The following CPED1 variants were observed in gnomAD, a reference collection of about 807,000 sequenced individuals.
CPED1 encodes cadherin like and PC-esterase domain containing 1.
In CPED1, 114 loss-of-function variants were observed where a neutral mutation model predicts 128.2. That is an observed-to-expected ratio of 0.89 (90% CI 0.76 to 1.04). CPED1 has a LOEUF of 1.04. Ranked by LOEUF, CPED1 falls within the 50% of genes least tolerant of loss-of-function variation. CPED1 has a pLI of 0.00. For synonymous variants in CPED1, 462 were observed against 426.7 expected, an observed-to-expected ratio of 1.08 and a Z score of -1.02; for missense variants, 1,211 against 1,207.1, an observed-to-expected ratio of 1.00 and a Z score of -0.05.
Position 121,219,609 on chromosome 7 carries a change from T to G in CPED1, c.2056-17105T>G, listed in dbSNP as rs962068725. On this transcript the variant is annotated intron_variant, in intron 16 of 22. Coordinates refer to ENST00000310396, the MANE Select transcript of CPED1 (RefSeq NM_024913.5). ...AGACTAACTTAAAATTCTTTCACAGTATAATGAATAGCCACTTTTCAGCTG... is the reference window on the plus strand; with the variant it reads ...AGACTAACTTAAAATTCTTTCACAGGATAATGAATAGCCACTTTTCAGCTG... Among the ~76,000 whole-genome samples, 8 of 152,028 alleles carry G rather than the reference T, an allele frequency of 5.3e-5. No individual in the cohort carries two copies. In the East Asian group the frequency reaches 1.6e-3, roughly 29 times the overall value.
chr7:121,062,504 T>C (rs898281225), intron 4 of CPED1, among the ~76,000 whole-genome samples: 1 of 152,254 alleles, frequency 6.6e-6, no homozygotes, highest in African/African-American at 2.4e-5. Flanking sequence ...TTTTAAATTC[T>C]GGATTGAAGA....
At position 121,244,343 on chromosome 7, in the gene CPED1, G is replaced by T. The variant is rs370002857; in HGVS notation, c.2310+5G>T. 5 of 1,614,032 alleles carry T rather than the reference G, an allele frequency of 3.1e-6. No homozygotes were observed. The African/African-American group carries it at 4.0e-5, about 13-fold the overall frequency. Reference sequence around the variant, plus strand: ...CAGTGCCTGGGAGGAAGGAAGGTAGGTTCTGGATCTAGTGGGGGAAGCCTT... The same window carrying T: ...CAGTGCCTGGGAGGAAGGAAGGTAGTTTCTGGATCTAGTGGGGGAAGCCTT... On this transcript the variant is annotated splice_donor_5th_base_variant and intron_variant, in intron 18 of 22. Transcript: ENST00000310396.
At chr7:121,274,122 C>T (rs1020249852) in intron 22 of CPED1, among the ~76,000 whole-genome samples, 2 of 152,042 alleles carry the variant, frequency 1.3e-5, no homozygotes, top group African/African-American at 4.8e-5. Context: ...CTCTGAAAGT[C>T]TAAAAAGCAA....
intron 13 of CPED1, 120 bp from the exon 14 acceptor site, chr7:121,135,920 C>T (rs1487300467): frequency 1.5e-6 from 1 of 668,002 alleles, no homozygotes; most frequent in Non-Finnish European, 2.3e-6. Context: ...GAAGTGTTCA[C>T]TAGTATAATA....
At chr7:121,182,210 T>TC (rs1563057115) in intron 16 of CPED1, among the ~76,000 whole-genome samples, 1 of 151,638 alleles carries the variant, frequency 6.6e-6, no homozygotes, top group Admixed American at 6.6e-5. Context: ...CTTTTTTTTT[T>TC]TTTTTTAGTT....
At chr7:121,268,592 G>T (rs564555169) in intron 21 of CPED1, among the ~76,000 whole-genome samples, 1 of 152,010 alleles carries the variant, frequency 6.6e-6, no homozygotes, top group African/African-American at 2.4e-5. Flanking sequence ...GCTGGCTTCC[G>T]TCTTTCTCCG....
Position 121,296,467 on chromosome 7 carries a change from T to C in CPED1, c.*815T>C, listed in dbSNP as rs1792826185. 1 of 152,178 alleles carries C rather than the reference T, an allele frequency of 6.6e-6. No individual in the cohort carries two copies. Among genetic ancestry groups the C allele is most frequent in the Admixed American group, 6.5e-5 (1 of 15,288 alleles). The allele number at this position is 152,178 out of a possible 1,614,324, so 9.4% of individuals were successfully genotyped here. ...TTCATTGATGATATTACTTAAATCT[T>C]GTGTTTGCCATTACAGCCCTATGTA... On this transcript the variant is annotated 3_prime_UTR_variant, in exon 23 of 23. Transcript: ENST00000310396.
At chr7:121,261,919 T>C (rs1184230629) in intron 18 of CPED1, 2 of 521,662 alleles carry the variant, frequency 3.8e-6, no homozygotes, top group Admixed American at 3.6e-5. Flanking sequence ...AATAAGCCTA[T>C]TGATATAGTT....
intron 2 of CPED1, among the ~76,000 whole-genome samples, chr7:121,015,444 A>G (rs1792275588): frequency 6.6e-6 from 1 of 152,184 alleles, no homozygotes; most frequent in South Asian, 2.1e-4. Context: ...TATGGCCTAA[A>G]ATTTTCATCT....
chr7:121,125,776 T>G, intron 8 of CPED1, 44 bp from the exon 9 acceptor site: 1 of 1,363,658 alleles, frequency 7.3e-7, no homozygotes, highest in Non-Finnish European at 1.0e-6. Context: ...AACATCCATG[T>G]GCATGTATCT....
At chr7:121,192,880 G>A (rs866660698) in intron 16 of CPED1, among the ~76,000 whole-genome samples, 9 of 152,146 alleles carry the variant, frequency 5.9e-5, no homozygotes, top group African/African-American at 2.2e-4. Context: ...CTGTTGAGGA[G>A]AAGCAGAGCA....
rs1341720889 is a variant in CPED1 at position 120,989,540 on chromosome 7, T to G, written c.-82T>G. ...GGAGTTGGGGAAAAAGAAGACAGAT[T>G]AGTATTTTTCATGCTGACAAAAAAT... On this transcript the variant is annotated 5_prime_UTR_variant, in exon 2 of 23. The change creates a new upstream start codon in the 5' untranslated region. Transcript: ENST00000310396. The G allele has an allele frequency of 2.6e-6, 4 of 1,524,880 alleles. No homozygotes were observed. In the East Asian group the frequency reaches 9.0e-5, roughly 34 times the overall value. 94.5% of individuals were successfully genotyped at this position (1,524,880 alleles called of 1,614,324 possible). A position where few individuals can be genotyped will look rare whatever the true frequency, so the allele number is the denominator to read the frequency against.
intron 7 of CPED1, among the ~76,000 whole-genome samples, chr7:121,106,687 C>G (rs970773809): frequency 1.3e-5 from 2 of 151,992 alleles, no homozygotes; most frequent in African/African-American, 4.8e-5. Flanking sequence ...CTGGAGCCAT[C>G]AAGGGAAGGT....
At chr7:121,245,009 A>G (rs184780733) in intron 18 of CPED1, among the ~76,000 whole-genome samples, 2 of 152,340 alleles carry the variant, frequency 1.3e-5, no homozygotes, top group East Asian at 1.9e-4. Context: ...GTTAACATCA[A>G]GTAAGTAATC....
At chr7:121,227,949 A>C (rs1524503) in intron 16 of CPED1, among the ~76,000 whole-genome samples, 52,799 of 151,852 alleles carry the variant, frequency 0.35, 9,559 homozygotes, top group Middle Eastern at 0.5. Context: ...TTATAGCAGA[A>C]CAGACAATTC....
At chr7:121,289,802 A>G (rs1792655638) in intron 22 of CPED1, among the ~76,000 whole-genome samples, 1 of 152,024 alleles carries the variant, frequency 6.6e-6, no homozygotes, top group Admixed American at 6.5e-5. Context: ...TTATTCTTTT[A>G]TTATTTTATT....
chr7:121,289,783 C>A (rs1349206039), intron 22 of CPED1, among the ~76,000 whole-genome samples: 1 of 151,928 alleles, frequency 6.6e-6, no homozygotes, highest in Non-Finnish European at 1.5e-5. Flanking sequence ...TGATGAAATT[C>A]ATAATTTGTT....
intron 3 of CPED1, 31 bp downstream of exon 3, chr7:121,015,879 C>T (rs1371591806): frequency 7.3e-7 from 1 of 1,372,442 alleles, no homozygotes. Context: ...CTGCCAAAGT[C>T]ACTTGACATA....
intron 3 of CPED1, among the ~76,000 whole-genome samples, chr7:121,036,867 G>C (rs1333811353): frequency 6.6e-6 from 1 of 152,010 alleles, no homozygotes; most frequent in Non-Finnish European, 1.5e-5. Context: ...TTGTGGTTTT[G>C]ATTTGCATTT....
Sources: allele counts gnomAD v4.1 joint callset (sites outside exome capture counted in the v4.1 genomes callset), GRCh38; gene constraint gnomAD v4.1.1; transcripts MANE v1.5; gene names NCBI Gene and HGNC (gene_info 2026-07-23, HGNC 2026-07-21).